LIX1: variants seen among roughly 807,000 people sequenced by gnomAD.
The protein encoded by LIX1 is protein limb expression 1 homolog.
LIX1 carries 24 observed loss-of-function variants against 33.4 expected under a neutral mutation model. The ratio of observed to expected loss-of-function variants is 0.72; its 90% CI spans 0.52 to 1.01. The LOEUF is 1.01. Ranked by LOEUF, LIX1 falls within the 50% of genes least tolerant of loss-of-function variation. The pLI, the probability that LIX1 is intolerant of heterozygous loss-of-function variation, is 0.00. For synonymous variants in LIX1, 124 were observed against 124.0 expected, an observed-to-expected ratio of 1.00 and a Z score of 0.00; for missense variants, 311 against 339.2, an observed-to-expected ratio of 0.92 and a Z score of 0.65.
chr5:97,109,864 C>G (rs1036338809), intron 2 of LIX1, among the ~76,000 whole-genome samples: 1 of 152,130 alleles, frequency 6.6e-6, no homozygotes. Context: ...TCCTGAGTTA[C>G]TCCACTTAGA....
intron 2 of LIX1, among the ~76,000 whole-genome samples, chr5:97,113,728 A>G (rs1747536402): frequency 6.6e-6 from 1 of 152,206 alleles, no homozygotes; most frequent in Admixed American, 6.5e-5. Context: ...ACTTTGGAAT[A>G]AAGAGGACAT....
chr5:97,128,628 C>G (rs996985993), intron 1 of LIX1, among the ~76,000 whole-genome samples: 5 of 152,152 alleles, frequency 3.3e-5, no homozygotes, highest in Non-Finnish European at 7.4e-5. Flanking sequence ...ATAAACTCTT[C>G]TCTTCCTCCT....
intron 1 of LIX1, among the ~76,000 whole-genome samples, chr5:97,138,846 A>C (rs929518501): frequency 2.0e-5 from 3 of 152,196 alleles, no homozygotes; most frequent in Admixed American, 6.5e-5. Context: ...CAGAACATTT[A>C]ATTGCTGACA....
In LIX1 at chr5:97,124,466, C is replaced by T; in HGVS notation, c.246G>A (p.Gln82=). Residue 82 remains glutamine (Q), a splice_region_variant and synonymous_variant, in exon 2 of 6, where the codon CAG becomes CAA. Coordinates refer to ENST00000274382, the MANE Select transcript of LIX1 (RefSeq NM_153234.5). The part of the protein sequence containing the change: ...LPGGSCFGNF[Q]CCLSRAEARR... Reference sequence around the variant, plus strand: ...TGACAAATTAATGGCTACTTCTTACCTGAAAGTTGCCAAAACAGCTTCCCC... The same window carrying T: ...TGACAAATTAATGGCTACTTCTTACTTGAAAGTTGCCAAAACAGCTTCCCC... 1 of 1,594,244 alleles carries T rather than the reference C, an allele frequency of 6.3e-7. No homozygotes were observed. Among genetic ancestry groups the T allele is most frequent in the Non-Finnish European group, 8.6e-7 (1 of 1,169,144 alleles).
In LIX1 at chr5:97,142,508, T is replaced by C; in HGVS notation, c.69A>G (p.Leu23=). 6.2e-7 allele frequency: 1 copy of C among 1,613,838 alleles called. No homozygotes were observed. The highest frequency in any genetic ancestry group is 8.5e-7 in the Non-Finnish European group (1 of 1,179,682). ...TTCAGTACTTACAGTCTTTGAAGACTAGAGCCGGATCTCTGTGAGGCAAGA... is the reference window on the plus strand; with the variant it reads ...TTCAGTACTTACAGTCTTTGAAGACCAGAGCCGGATCTCTGTGAGGCAAGA... The part of the protein sequence containing the change: ...AQVLPHRDPA[L]VFKDLNVVSM... The change falls in exon 1 of 6, where the codon CTA becomes CTG. Residue 23 remains leucine (L), a synonymous_variant. Coordinates refer to ENST00000274382, the MANE Select transcript of LIX1 (RefSeq NM_153234.5).
In LIX1 at chr5:97,093,861, C is replaced by G. The variant is rs1156446789; in HGVS notation, c.*887G>C. ...GTGAAACTAATCAAATGCAAGCATTCTTTGTTACATGCTAATAATTTTTCA... is the reference window on the plus strand; with the variant it reads ...GTGAAACTAATCAAATGCAAGCATTGTTTGTTACATGCTAATAATTTTTCA... On this transcript the variant is annotated 3_prime_UTR_variant, in exon 6 of 6. Coordinates refer to ENST00000274382, the MANE Select transcript of LIX1 (RefSeq NM_153234.5). The G allele has an allele frequency of 3.3e-5, 5 of 152,396 alleles. No individual in the cohort carries two copies. The East Asian group carries it at 9.4e-4, about 29-fold the overall frequency. 9.4% of individuals were successfully genotyped at this position (152,396 alleles called of 1,614,324 possible). A position where few individuals can be genotyped will look rare whatever the true frequency, so the allele number is the denominator to read the frequency against.
chr5:97,101,974 T>C (rs1197761653), intron 4 of LIX1: 2 of 152,060 alleles, frequency 1.3e-5, no homozygotes, highest in East Asian at 3.9e-4. Context: ...TCAGAATAAA[T>C]ATATTAACCA....
At chr5:97,096,981 G>T in intron 4 of LIX1, 94 bp from the exon 5 acceptor site, 1 of 945,032 alleles carries the variant, frequency 1.1e-6, no homozygotes, top group South Asian at 1.4e-5. Context: ...AAATATATCA[G>T]GAAACAGAAT....
Position 97,094,903 on chromosome 5 carries a change from A to C in LIX1, c.694T>G (p.Leu232Val). The C allele has an allele frequency of 6.2e-7, 1 of 1,614,150 alleles. No individual in the cohort carries two copies. Among genetic ancestry groups the C allele is most frequent in the Non-Finnish European group, 8.5e-7 (1 of 1,180,026 alleles). ...SQELRMALRQ[L>V]EEARKAGQEL... ...TGTCCTGCTTTCCTGGCTTCCTCCA[A>C]CTGCCTCAGGGCCATTCGTAGCTCT... The change falls in exon 6 of 6, where the codon TTG becomes GTG. Residue 232 changes from leucine to valine, a missense_variant. Physicochemically the swap from Leu to Val is conservative, Grantham distance 32. Transcript: ENST00000274382.
At chr5:97,135,441 G>A (rs1182266053) in intron 1 of LIX1, among the ~76,000 whole-genome samples, 1 of 152,192 alleles carries the variant, frequency 6.6e-6, no homozygotes, top group Non-Finnish European at 1.5e-5. Context: ...GCATAAAATA[G>A]AAGCCTGATG....
chr5:97,103,863 G>A (rs1462516876), intron 4 of LIX1, among the ~76,000 whole-genome samples: 1 of 151,828 alleles, frequency 6.6e-6, no homozygotes, highest in Admixed American at 6.6e-5. Flanking sequence ...TACTCAGGAG[G>A]CTGAGGCAGG....
chr5:97,119,989 G>A (rs193064311), intron 2 of LIX1, among the ~76,000 whole-genome samples: 1 of 152,300 alleles, frequency 6.6e-6, no homozygotes, highest in Non-Finnish European at 1.5e-5. Flanking sequence ...GCATGCCTGG[G>A]TGTGAGTACT....
At chr5:97,138,550 A>G (rs1337093162) in intron 1 of LIX1, among the ~76,000 whole-genome samples, 1 of 152,124 alleles carries the variant, frequency 6.6e-6, no homozygotes, top group Admixed American at 6.5e-5. Context: ...ATGGCTCCCT[A>G]TTGCCGGCAT....
At chr5:97,102,725 A>C (rs1746775895) in intron 4 of LIX1, among the ~76,000 whole-genome samples, 1 of 150,096 alleles carries the variant, frequency 6.7e-6, no homozygotes, top group Admixed American at 6.7e-5. Context: ...AAGGAATTTT[A>C]AGACTTTTTT....
At chr5:97,103,553 G>C (rs1746831849) in intron 4 of LIX1, among the ~76,000 whole-genome samples, 1 of 152,214 alleles carries the variant, frequency 6.6e-6, no homozygotes, top group South Asian at 2.1e-4. Flanking sequence ...CAGAGTCTGG[G>C]TCAGAGCCAC....
intron 2 of LIX1, among the ~76,000 whole-genome samples, chr5:97,111,175 A>G (rs552195418): frequency 6.6e-6 from 1 of 152,320 alleles, no homozygotes; most frequent in Admixed American, 6.5e-5. Flanking sequence ...CCCTAAAGGC[A>G]GAGCCTATGA....
At chr5:97,096,956 A>G (rs1190842836) in intron 4 of LIX1, 69 bp from the exon 5 acceptor site, 84 of 1,116,864 alleles carry the variant, frequency 7.5e-5, no homozygotes, top group Non-Finnish European at 8.3e-5. Flanking sequence ...TGAGCAGGGC[A>G]TAACTCTAAT....
chr5:97,104,615 C>G (rs1316172700), intron 4 of LIX1, among the ~76,000 whole-genome samples: 1 of 152,186 alleles, frequency 6.6e-6, no homozygotes, highest in Admixed American at 6.5e-5. Flanking sequence ...GCTGTTATTA[C>G]TGCTGTTGTT....
chr5:97,107,838 C>A (rs1003619305), intron 2 of LIX1, among the ~76,000 whole-genome samples: 3 of 151,946 alleles, frequency 2.0e-5, no homozygotes, highest in Non-Finnish European at 4.4e-5. Flanking sequence ...ATTATCAGGG[C>A]CTTCCTCAAA....
Sources: allele counts gnomAD v4.1 joint callset (sites outside exome capture counted in the v4.1 genomes callset), GRCh38; gene constraint gnomAD v4.1.1; transcripts MANE v1.5; gene names NCBI Gene and HGNC (gene_info 2026-07-23, HGNC 2026-07-21).